The following JAK1 variants were observed in gnomAD, a reference collection of about 807,000 sequenced individuals.
JAK1 encodes tyrosine-protein kinase JAK1.
Under a neutral mutation model 136.6 loss-of-function variants are expected in JAK1, and 16 were observed. The ratio of observed to expected loss-of-function variants is 0.12; its 90% CI spans 0.08 to 0.18. JAK1 has a LOEUF of 0.18. JAK1 is among the 10% of genes least tolerant of loss of function. The pLI is 1.00. For missense variants in JAK1, 859 were observed against 1,450.1 expected (o/e 0.59, Z 6.62); for synonymous variants, 492 against 519.5 (o/e 0.95, Z 0.72).
intron 2 of JAK1, among the ~76,000 whole-genome samples, chr1:64,982,674 T>G (rs1262329062): frequency 6.6e-6 from 1 of 152,190 alleles, no homozygotes; most frequent in African/African-American, 2.4e-5. Context: ...GAGTTTTAGC[T>G]CTGCTTCATC....
At chr1:65,039,584 C>A (rs541030829) in intron 2 of JAK1, among the ~76,000 whole-genome samples, 1 of 152,120 alleles carries the variant, frequency 6.6e-6, no homozygotes, top group African/African-American at 2.4e-5. Flanking sequence ...CTCTTTTACA[C>A]TATATTCTAC....
Position 65,058,521 on chromosome 1 carries a change from C to T in JAK1, c.-181+9083G>A, listed in dbSNP as rs375601839. The T allele has an allele frequency of 1.4e-3, 763 of 532,486 alleles. 4 individuals are homozygous for T. Among genetic ancestry groups the T allele is most frequent in the Non-Finnish European group, 1.9e-3 (484 of 259,748 alleles). The allele number at this position is 532,486 out of a possible 1,614,324, so 33.0% of individuals were successfully genotyped here. The stretch of plus-strand genomic sequence containing the variant: ...CTGAGCCAGGGCAGCCTGTCAGTCA[C>T]TGTGTCGGTCAACGGCATCCTTTCT... On this transcript the variant is annotated intron_variant, in intron 1 of 25. Coordinates refer to the JAK1 transcript ENST00000671954.
intron 1 of JAK1, among the ~76,000 whole-genome samples, chr1:65,063,492 A>G (rs1414196396): frequency 6.6e-6 from 1 of 152,238 alleles, no homozygotes; most frequent in Non-Finnish European, 1.5e-5. Flanking sequence ...AATATTTCAT[A>G]CAGTCACCAC....
chr1:64,916,723 A>T (rs927077371), intron 1 of JAK1, among the ~76,000 whole-genome samples: 23 of 152,024 alleles, frequency 1.5e-4, no homozygotes, highest in African/African-American at 5.1e-4. Context: ...CTGTAGTCCC[A>T]GCTACTGAGG....
intron 2 of JAK1, among the ~76,000 whole-genome samples, chr1:64,981,698 C>A (rs536954503): frequency 1.3e-5 from 2 of 152,086 alleles, no homozygotes; most frequent in African/African-American, 4.8e-5. Flanking sequence ...ATTTAAGTAC[C>A]CTTACCTCCC....
upstream of JAK1, among the ~76,000 whole-genome samples, chr1:64,968,187 C>T (rs142332213): frequency 2.4e-3 from 370 of 152,080 alleles, 2 homozygotes; most frequent in African/African-American, 8.5e-3. Context: ...ATTGTGCCCA[C>T]GAACGAATCT....
chr1:64,927,436 A>C (rs1255386677), intron 1 of JAK1, among the ~76,000 whole-genome samples: 1 of 152,208 alleles, frequency 6.6e-6, no homozygotes, highest in African/African-American at 2.4e-5. Flanking sequence ...TAAGTGGGCA[A>C]ATGAACGAAT....
intron 9 of JAK1, 173 bp downstream of exon 9, chr1:64,859,932 G>A (rs546528182): frequency 8.9e-6 from 4 of 449,654 alleles, no homozygotes; most frequent in African/African-American, 3.9e-5. Context: ...AGGATGGTAG[G>A]AGATTACAGG....
At chr1:64,993,654 T>G (rs929001138) in intron 2 of JAK1, 3 of 152,132 alleles carry the variant, frequency 2.0e-5, no homozygotes, top group Non-Finnish European at 4.4e-5. Context: ...ATTTATGTAT[T>G]TATTTATTTT....
At chr1:64,968,460 C>T (rs1318039557), upstream of JAK1, among the ~76,000 whole-genome samples, 3 of 152,106 alleles carry the variant, frequency 2.0e-5, no homozygotes, top group East Asian at 5.8e-4. Context: ...CGACAGGAGG[C>T]AGGAGTCAGG....
intron 2 of JAK1, among the ~76,000 whole-genome samples, chr1:64,973,379 AAAAG>A (rs1387788277): frequency 6.6e-6 from 1 of 151,910 alleles, no homozygotes. Flanking sequence ...AAAAGAAAAG[AAAAG>A]AAAGATTTAA....
intron 2 of JAK1, among the ~76,000 whole-genome samples, chr1:65,034,566 G>C (rs2100821229): frequency 6.6e-6 from 1 of 152,262 alleles, no homozygotes; most frequent in South Asian, 2.1e-4. Flanking sequence ...CTACAGGGTA[G>C]CTTGAGTCCA....
chr1:64,864,240 T>C (rs1656553891), intron 8 of JAK1, among the ~76,000 whole-genome samples: 1 of 152,228 alleles, frequency 6.6e-6, no homozygotes, highest in South Asian at 2.1e-4. Context: ...ACAGGTTTAT[T>C]TTGGCAGAGT....
chr1:64,887,017 G>A (rs749841653), intron 1 of JAK1, among the ~76,000 whole-genome samples: 7 of 152,188 alleles, frequency 4.6e-5, no homozygotes, highest in Non-Finnish European at 8.8e-5. Flanking sequence ...GGGCAGCAGC[G>A]AAGGGGGAGA....
At chr1:64,943,561 A>T (rs1645927828) in intron 1 of JAK1, among the ~76,000 whole-genome samples, 1 of 152,220 alleles carries the variant, frequency 6.6e-6, no homozygotes, top group Admixed American at 6.5e-5. Context: ...CTTACATCAT[A>T]GACTAAAATA....
At chr1:64,898,287 T>C (rs1431971669) in intron 1 of JAK1, among the ~76,000 whole-genome samples, 1 of 152,182 alleles carries the variant, frequency 6.6e-6, no homozygotes, top group Non-Finnish European at 1.5e-5. Context: ...GACCAGCAAG[T>C]TCACGGGGCT....
intron 10 of JAK1, among the ~76,000 whole-genome samples, chr1:64,856,520 G>A (rs939991835): frequency 6.6e-6 from 1 of 152,174 alleles, no homozygotes; most frequent in African/African-American, 2.4e-5. Context: ...TTTTCCCCGG[G>A]TGATGTGACA....
chr1:64,840,939 CCT>C (rs1461343939), intron 19 of JAK1, among the ~76,000 whole-genome samples: 1 of 152,162 alleles, frequency 6.6e-6, no homozygotes, highest in Non-Finnish European at 1.5e-5. Flanking sequence ...CCCATCTCTC[CCT>C]CTTTCCATTC....
chr1:65,048,129 G>T (rs935289483), intron 1 of JAK1, among the ~76,000 whole-genome samples: 1 of 152,204 alleles, frequency 6.6e-6, no homozygotes, highest in Non-Finnish European at 1.5e-5. Flanking sequence ...CAATGAAAAT[G>T]TCATGATTTG....
Sources: allele counts gnomAD v4.1 joint callset (sites outside exome capture counted in the v4.1 genomes callset), GRCh38; gene constraint gnomAD v4.1.1; transcripts MANE v1.5; gene names NCBI Gene and HGNC (gene_info 2026-07-23, HGNC 2026-07-21).